The following STK3 variants were observed in gnomAD, a reference collection of about 807,000 sequenced individuals.
STK3 encodes the protein serine/threonine kinase 3, also known as serine/threonine-protein kinase 3.
In STK3, 41 loss-of-function variants were observed where a neutral mutation model predicts 58.0. That is an observed-to-expected ratio of 0.71 (90% CI 0.55 to 0.92). The LOEUF (loss-of-function observed/expected upper bound fraction) is 0.92, where lower values mean the gene tolerates loss of function less well. Ranked by LOEUF, STK3 falls within the 40% of genes least tolerant of loss-of-function variation. The probability of loss-of-function intolerance (pLI) is 0.00; values close to 1 mark genes in which losing one functional copy is unlikely to be tolerated. For missense variants in STK3, 479 were observed against 602.7 expected, an observed-to-expected ratio of 0.79 and a Z score of 2.15; for synonymous variants, 170 against 191.0, an observed-to-expected ratio of 0.89 and a Z score of 0.91.
chr8:98,652,126 C>G (rs535251870), intron 6 of STK3, among the ~76,000 whole-genome samples: 1 of 152,270 alleles, frequency 6.6e-6, no homozygotes, highest in East Asian at 1.9e-4. Context: ...AGACCAACAG[C>G]GGATCTCTCG....
intron 2 of STK3, among the ~76,000 whole-genome samples, chr8:98,375,059 G>C (rs1266256312): frequency 1.3e-5 from 2 of 148,456 alleles, no homozygotes; most frequent in African/African-American, 5.0e-5. Flanking sequence ...GGGCAACATA[G>C]TGAGACCCTG....
At chr8:98,413,844 C>T in intron 3 of STK3, 1 of 561,820 alleles carries the variant, frequency 1.8e-6, no homozygotes. Flanking sequence ...TGGGGCCGCC[C>T]AAGCCAGTAA....
At chr8:98,896,824 CA>C (rs1262687399) in intron 1 of STK3, among the ~76,000 whole-genome samples, 1 of 151,782 alleles carries the variant, frequency 6.6e-6, no homozygotes, top group East Asian at 1.9e-4. Context: ...ACAAAAAATA[CA>C]AAAATTAGCT....
chr8:98,417,024 T>A (rs1202284776), intron 3 of STK3, among the ~76,000 whole-genome samples: 1 of 152,166 alleles, frequency 6.6e-6, no homozygotes, highest in Non-Finnish European at 1.5e-5. Flanking sequence ...CTTCCAGGCT[T>A]CTGAGTAACT....
At chr8:98,427,768 AC>A (rs1191392127) in intron 3 of STK3, 4 of 530,036 alleles carry the variant, frequency 7.5e-6, no homozygotes, top group Non-Finnish European at 1.3e-5. Context: ...AAACATACCC[AC>A]CCCCAGCCTT....
At chr8:98,660,960 A>G (rs1252447358) in intron 6 of STK3, among the ~76,000 whole-genome samples, 2 of 151,422 alleles carry the variant, frequency 1.3e-5, no homozygotes. Flanking sequence ...TGCAAAAAAC[A>G]AAAAGGAAGT....
chr8:98,651,230 C>A (rs182534860), intron 6 of STK3, among the ~76,000 whole-genome samples: 16 of 152,302 alleles, frequency 1.1e-4, no homozygotes, highest in African/African-American at 1.2e-4. Flanking sequence ...CCAGGCAAAC[C>A]GAGTCTGGAG....
At chr8:98,750,121 A>G (rs1829880243) in intron 3 of STK3, among the ~76,000 whole-genome samples, 1 of 152,198 alleles carries the variant, frequency 6.6e-6, no homozygotes, top group Non-Finnish European at 1.5e-5. Flanking sequence ...AGACAGCAGA[A>G]ACTAAATAGG....
At chr8:98,768,362 A>C (rs1831076155) in intron 2 of STK3, among the ~76,000 whole-genome samples, 1 of 152,230 alleles carries the variant, frequency 6.6e-6, no homozygotes, top group Non-Finnish European at 1.5e-5. Flanking sequence ...AATGTTTCCT[A>C]ATATTAGAAA....
intron 3 of STK3, among the ~76,000 whole-genome samples, chr8:98,848,891 T>C (rs1274167851): frequency 6.6e-6 from 1 of 152,184 alleles, no homozygotes; most frequent in Non-Finnish European, 1.5e-5. Flanking sequence ...CATATGCCAA[T>C]AGCATGTTTA....
chr8:98,347,461 G>A, the STK3 span, among the ~76,000 whole-genome samples: 1 of 151,486 alleles, frequency 6.6e-6, no homozygotes, highest in African/African-American at 2.4e-5. Context: ...CTTGCAGTGA[G>A]CCAAGATTGC....
chr8:98,854,128 T>C (rs1836580250), intron 3 of STK3, among the ~76,000 whole-genome samples: 1 of 151,982 alleles, frequency 6.6e-6, no homozygotes, highest in Admixed American at 6.6e-5. Context: ...GAAGTAAAAC[T>C]ATATTTATTT....
chr8:98,756,920 C>T (rs1830319437), intron 3 of STK3, among the ~76,000 whole-genome samples: 1 of 152,178 alleles, frequency 6.6e-6, no homozygotes, highest in African/African-American at 2.4e-5. Flanking sequence ...TGCCCCAGAA[C>T]CCACTCAAAA....
intron 4 of STK3, among the ~76,000 whole-genome samples, chr8:98,710,557 G>A (rs1226125202): frequency 2.6e-5 from 4 of 152,188 alleles, no homozygotes; most frequent in Non-Finnish European, 5.9e-5. Context: ...GCACAACAGT[G>A]TGAGATCAAA....
chr8:98,775,412 C>T (rs536989838), intron 1 of STK3, among the ~76,000 whole-genome samples: 1 of 152,312 alleles, frequency 6.6e-6, no homozygotes, highest in Non-Finnish European at 1.5e-5. Flanking sequence ...CACCCAAGCA[C>T]ATCCAAAGAA....
In STK3 at chr8:98,498,598, T is replaced by C. The variant is rs76546043; in HGVS notation, c.1317+28144A>G. Among the ~76,000 whole-genome samples, 48 of 152,330 alleles carry C rather than the reference T, an allele frequency of 3.2e-4. 1 individual carries two copies. The highest frequency in any genetic ancestry group is 9.1e-4 in the African/African-American group (38 of 41,578). On this transcript the variant is annotated intron_variant, in intron 10 of 10. Coordinates refer to ENST00000419617, the MANE Select transcript of STK3 (RefSeq NM_006281.4). ...CAACAAAAGAGTTTATGAACCTAAA[T>C]TGCTCTTGTCAAGATCACCAATGAC...
At chr8:98,356,956 A>G in the STK3 span, among the ~76,000 whole-genome samples, 2 of 152,228 alleles carry the variant, frequency 1.3e-5, no homozygotes, top group South Asian at 2.1e-4. Flanking sequence ...ATATAGAATT[A>G]AAGTATCTGG....
intron 3 of STK3, chr8:98,413,691 T>C (rs1818082770): frequency 1.0e-6 from 1 of 956,760 alleles, no homozygotes; most frequent in Non-Finnish European, 1.7e-6. Context: ...CACCACAAAT[T>C]GGTTTAGAAA....
At chr8:98,841,229 A>G (rs558070410) in intron 3 of STK3, among the ~76,000 whole-genome samples, 1 of 152,340 alleles carries the variant, frequency 6.6e-6, no homozygotes, top group African/African-American at 2.4e-5. Flanking sequence ...CCCACACTCA[A>G]AGAGAGAGGA....
Sources: allele counts gnomAD v4.1 joint callset (sites outside exome capture counted in the v4.1 genomes callset), GRCh38; gene constraint gnomAD v4.1.1; transcripts MANE v1.5; gene names NCBI Gene and HGNC (gene_info 2026-07-23, HGNC 2026-07-21).